The following TENM3 variants were observed in gnomAD, a reference collection of about 807,000 sequenced individuals.
TENM3 encodes teneurin-3.
TENM3 carries 63 observed loss-of-function variants against 255.1 expected under a neutral mutation model. That is an observed-to-expected ratio of 0.25 (90% CI 0.20 to 0.30). The LOEUF (loss-of-function observed/expected upper bound fraction) is 0.30, where lower values mean the gene tolerates loss of function less well. Among genes scored for constraint, TENM3 ranks in the 10% least tolerant of loss-of-function variants. TENM3 has a pLI of 1.00. For synonymous variants in TENM3, 1,306 were observed against 1,322.3 expected (o/e 0.99, Z 0.27); for missense variants, 2,929 against 3,461.1 (o/e 0.85, Z 3.86).
the TENM3 span, among the ~76,000 whole-genome samples, chr4:182,012,037 T>G: frequency 6.6e-6 from 1 of 152,116 alleles, no homozygotes; most frequent in Non-Finnish European, 1.5e-5. Flanking sequence ...ACTGCAAACA[T>G]ATGAATGACA....
the TENM3 span, among the ~76,000 whole-genome samples, chr4:181,838,649 T>C: frequency 6.6e-6 from 1 of 152,184 alleles, no homozygotes; most frequent in Non-Finnish European, 1.5e-5. Flanking sequence ...AGTTATACTT[T>C]AGGAATTTGT....
At chr4:181,812,904 C>G in the TENM3 span, among the ~76,000 whole-genome samples, 10,168 of 152,178 alleles carry the variant, frequency 0.067, 427 homozygotes, top group South Asian at 0.15. Flanking sequence ...AAAGGAGAAA[C>G]TGAATATACC....
the TENM3 span, among the ~76,000 whole-genome samples, chr4:181,909,860 A>G: frequency 5.9e-5 from 9 of 152,334 alleles, no homozygotes; most frequent in East Asian, 3.9e-4. Context: ...CTTTGAGTCT[A>G]TGACTGAATG....
the TENM3 span, among the ~76,000 whole-genome samples, chr4:181,534,026 G>A: frequency 4.2e-3 from 634 of 152,288 alleles, 3 homozygotes; most frequent in African/African-American, 5.2e-3. Flanking sequence ...TTCACACAAA[G>A]ACTAGGGAGA....
Position 182,751,839 on chromosome 4 carries a change from A to G in TENM3, c.3669A>G (p.Pro1223=), listed in dbSNP as rs769846659. The change falls in exon 20 of 28, where the codon CCA becomes CCG. Residue 1223 remains proline, a synonymous_variant. Transcript: ENST00000511685. The part of the protein sequence containing the change: ...PAHRYYLATD[P]VTGDLYVSDT... ...ATAGATACTACCTTGCAACGGATCC[A>G]GTCACGGGAGATCTGTACGTTTCTG... is the stretch of plus-strand genomic sequence containing the variant. 1 of 1,613,982 alleles carries G rather than the reference A, an allele frequency of 6.2e-7. No individual in the cohort carries two copies. The highest frequency in any genetic ancestry group is 2.2e-5 in the East Asian group (1 of 44,874).
intron 3 of TENM3, among the ~76,000 whole-genome samples, chr4:182,529,466 C>T (rs1739555860): frequency 6.6e-6 from 1 of 152,096 alleles, no homozygotes; most frequent in Admixed American, 6.5e-5. Flanking sequence ...CTCTGCTTTG[C>T]CCCCACTAAC....
At chr4:182,246,697 A>C (rs561769552) in intron 1 of TENM3, among the ~76,000 whole-genome samples, 1 of 151,792 alleles carries the variant, frequency 6.6e-6, no homozygotes, top group African/African-American at 2.4e-5. Context: ...CTGTATTCAT[A>C]AGAAATAGAG....
At chr4:182,644,310 C>T (rs971658483) in intron 5 of TENM3, among the ~76,000 whole-genome samples, 1 of 152,170 alleles carries the variant, frequency 6.6e-6, no homozygotes, top group Non-Finnish European at 1.5e-5. Flanking sequence ...GCATGGTCCC[C>T]AGAGACGAGA....
At chr4:181,666,396 C>T in the TENM3 span, among the ~76,000 whole-genome samples, 1 of 152,150 alleles carries the variant, frequency 6.6e-6, no homozygotes, top group Non-Finnish European at 1.5e-5. Context: ...CAGAACTGTT[C>T]AACCTCTCCT....
intron 4 of TENM3, among the ~76,000 whole-genome samples, chr4:182,604,053 A>G (rs1406667459): frequency 6.6e-6 from 1 of 152,074 alleles, no homozygotes; most frequent in Non-Finnish European, 1.5e-5. Context: ...ACTTTGTCCT[A>G]TATGTTTCAG....
At chr4:182,293,182 C>T (rs1191004694) in intron 1 of TENM3, among the ~76,000 whole-genome samples, 2 of 152,176 alleles carry the variant, frequency 1.3e-5, no homozygotes, top group African/African-American at 2.4e-5. Flanking sequence ...TCTAGGATGA[C>T]GTAACAAGTG....
intron 4 of TENM3, among the ~76,000 whole-genome samples, chr4:182,626,741 G>C (rs1053937709): frequency 2.0e-5 from 3 of 152,158 alleles, no homozygotes; most frequent in Non-Finnish European, 4.4e-5. Flanking sequence ...GTAGTTCAGT[G>C]GGGGGAGATG....
intron 12 of TENM3, among the ~76,000 whole-genome samples, chr4:182,689,231 C>T (rs1323480503): frequency 6.6e-6 from 1 of 152,170 alleles, no homozygotes; most frequent in Non-Finnish European, 1.5e-5. Context: ...TATTTCTCCA[C>T]ATTGTTTTAC....
the TENM3 span, among the ~76,000 whole-genome samples, chr4:181,823,466 A>G: frequency 6.6e-6 from 1 of 152,304 alleles, no homozygotes; most frequent in Admixed American, 6.5e-5. Flanking sequence ...TTTTGAAGTA[A>G]CTTCAAAACT....
the TENM3 span, among the ~76,000 whole-genome samples, chr4:181,972,952 A>C: frequency 2.0e-5 from 3 of 152,184 alleles, no homozygotes; most frequent in Non-Finnish European, 4.4e-5. Flanking sequence ...CCCTGACTGC[A>C]GTGGAGGTGT....
At chr4:182,259,438 C>T (rs1480420812) in intron 1 of TENM3, among the ~76,000 whole-genome samples, 5 of 151,990 alleles carry the variant, frequency 3.3e-5, no homozygotes, top group Admixed American at 1.3e-4. Flanking sequence ...CAGCCTCCCA[C>T]GTAGCTGGGA....
the TENM3 span, among the ~76,000 whole-genome samples, chr4:181,605,299 A>G: frequency 1.3e-5 from 2 of 151,474 alleles, no homozygotes; most frequent in African/African-American, 4.9e-5. Context: ...AAAAAGAAAA[A>G]AAAGAATTAG....
At position 182,792,260 on chromosome 4, in the gene TENM3, T is replaced by TTC; in HGVS notation, c.5602-8_5602-7dup. Reference sequence around the variant, plus strand: ...TTCACAAACACTGAGTAACAGTATGTTCTCTCTTTACAGTCCATGGTTCTT... The same window carrying TTC: ...TTCACAAACACTGAGTAACAGTATGTTCTCTCTCTTTACAGTCCATGGTTCTT... On this transcript the variant is annotated splice_polypyrimidine_tract_variant and intron_variant, in intron 25 of 27. Transcript: ENST00000511685. This position sits in a 1 kb window ranked among gnomAD's most constrained non-coding sequence, Gnocchi z 6.3. 6.2e-7 allele frequency: 1 copy of TTC among 1,603,924 alleles called. No individual in the cohort carries two copies. Among genetic ancestry groups the TTC allele is most frequent in the Non-Finnish European group, 8.5e-7 (1 of 1,172,434 alleles).
chr4:181,828,911 T>C, the TENM3 span, among the ~76,000 whole-genome samples: 145,555 of 152,248 alleles, frequency 0.96, 69,933 homozygotes, highest in East Asian at 1. Context: ...AATTCTAAGT[T>C]CCATTGTCCT....
Sources: gnomAD v4.1 joint callset for allele counts (sites outside exome capture counted in the v4.1 genomes callset) on GRCh38, gnomAD v4.1.1 for gene constraint, Gnocchi (gnomAD v3.1) non-coding constraint, MANE v1.5 for transcripts, NCBI Gene and HGNC (gene_info 2026-07-23, HGNC 2026-07-21) for gene names.